The following DDX18 variants were observed in gnomAD, a reference collection of about 807,000 sequenced individuals.
The protein encoded by DDX18 is DEAD-box helicase 18.
A neutral mutation model predicts 73.5 loss-of-function variants in DDX18; 23 were observed. The ratio of observed to expected loss-of-function variants is 0.31; its 90% confidence interval spans 0.23 to 0.44. The LOEUF is 0.44. Among genes scored for constraint, DDX18 ranks in the 20% least tolerant of loss-of-function variants. DDX18 has a pLI of 1.00. For missense variants in DDX18, 753 were observed against 792.9 expected (o/e 0.95, Z 0.60); for synonymous variants, 268 against 282.7 (o/e 0.95, Z 0.52).
chr2:117,821,344 A>G (rs1679844186), intron 4 of DDX18, 48 bp downstream of exon 4: 14 of 1,569,062 alleles, frequency 8.9e-6, no homozygotes, highest in Non-Finnish European at 1.2e-5. Flanking sequence ...TTTTAGAACT[A>G]GTAGATGATA....
chr2:117,825,759 T>G, intron 10 of DDX18, 160 bp downstream of exon 10: 1 of 808,962 alleles, frequency 1.2e-6, no homozygotes, highest in Non-Finnish European at 1.9e-6. Context: ...CTTAAGGCTT[T>G]TCAGGGCTCA....
intron 9 of DDX18, 39 bp from the exon 10 acceptor site, chr2:117,825,408 A>G: frequency 6.3e-7 from 1 of 1,593,182 alleles, no homozygotes; most frequent in Non-Finnish European, 8.6e-7. Context: ...AGTCTTCCTC[A>G]AGATTCCAGC....
At chr2:117,821,076 T>G in intron 3 of DDX18, 85 bp from the exon 4 acceptor site, 1 of 1,370,970 alleles carries the variant, frequency 7.3e-7, no homozygotes, top group East Asian at 2.5e-5. Flanking sequence ...GAAGCTTTTC[T>G]AAGCAAAATA....
At chr2:117,815,841 TGTG>T (rs1231744350) in intron 1 of DDX18, 1 of 152,150 alleles carries the variant, frequency 6.6e-6, no homozygotes, top group Non-Finnish European at 1.5e-5. Context: ...GGGGATACAT[TGTG>T]AGAAATGTGT....
In DDX18 at chr2:117,822,385, A is replaced by C. The variant is rs761961173; in HGVS notation, c.1066+124A>C. ...ATAGCCAAGTGAGGTAGTTGTGCCA[A>C]TTAACCCGAAAGGTAATTTGGAATA... On this transcript the variant is annotated intron_variant, in intron 7 of 13. Coordinates refer to ENST00000263239, the MANE Select transcript of DDX18 (RefSeq NM_006773.4). The C allele has an allele frequency of 2.1e-5, 14 of 677,402 alleles. No individual in the cohort carries two copies. In the East Asian group the frequency reaches 3.8e-4, roughly 18 times the overall value. The allele number at this position is 677,402 out of a possible 1,614,324, so 42.0% of individuals were successfully genotyped here. A position where few individuals can be genotyped will look rare whatever the true frequency, so the allele number is the denominator to read the frequency against.
At chr2:117,814,903 G>A in intron 1 of DDX18, 41 bp downstream of exon 1, 1 of 1,608,498 alleles carries the variant, frequency 6.2e-7, no homozygotes, top group Non-Finnish European at 8.5e-7. Context: ...AGACCCACGC[G>A]CGAGCCCTGG....
rs551936137 is a variant in DDX18 at position 117,823,262 on chromosome 2, T to A, written c.1066+1001T>A. On this transcript the variant is annotated intron_variant, in intron 7 of 13. Transcript: ENST00000263239. ...TGACTGAGATTTTATTGAATAGAGATTATTGGAGGAAGACAGTATTGAGTC... is the reference window on the plus strand; with the variant it reads ...TGACTGAGATTTTATTGAATAGAGAATATTGGAGGAAGACAGTATTGAGTC... Among the ~76,000 whole-genome samples, 6 of 152,308 alleles carry A rather than the reference T, an allele frequency of 3.9e-5. No individual in the cohort carries two copies. The East Asian group carries it at 9.6e-4, about 24-fold the overall frequency.
intron 1 of DDX18, among the ~76,000 whole-genome samples, chr2:117,816,609 C>G (rs1679763320): frequency 1.3e-5 from 2 of 152,166 alleles, no homozygotes; most frequent in African/African-American, 4.8e-5. Flanking sequence ...ACAGTCGACT[C>G]ATTTTTTTTT....
rs745418223 is a variant in DDX18 at position 117,822,293 on chromosome 2, A to C, written c.1066+32A>C. The stretch of plus-strand genomic sequence containing the variant: ...AGGTAGCATCTGCATTTGGTTTGCA[A>C]AGTATCTGTTGGAGGTAGATAAGAG... On this transcript the variant is annotated intron_variant, in intron 7 of 13. Coordinates refer to ENST00000263239, the MANE Select transcript of DDX18 (RefSeq NM_006773.4). 4.0e-5 allele frequency: 61 copies of C among 1,540,732 alleles called. 1 individual carries two copies. The highest frequency in any genetic ancestry group is 5.3e-5 in the Non-Finnish European group (59 of 1,117,058).
At chr2:117,825,830 C>T (rs563605848) in intron 10 of DDX18, 21 of 482,576 alleles carry the variant, frequency 4.4e-5, no homozygotes, top group African/African-American at 3.4e-4. Context: ...AAATGAGATC[C>T]TTGGAATGAT....
At chr2:117,822,573 A>G (rs1048281352) in intron 7 of DDX18, 1 of 284,038 alleles carries the variant, frequency 3.5e-6, no homozygotes, top group South Asian at 3.8e-5. Context: ...TTACTTGTAC[A>G]TACCTTGGTT....
intron 11 of DDX18, 99 bp from the exon 12 acceptor site, chr2:117,828,850 G>T: frequency 2.4e-6 from 2 of 826,588 alleles, no homozygotes; most frequent in East Asian, 2.6e-5. Context: ...TCTGTCCTGA[G>T]GGAATTTCAT....
chr2:117,830,447 ATG>A (rs1680002788), intron 13 of DDX18, 133 bp from the exon 14 acceptor site: 1 of 1,096,070 alleles, frequency 9.1e-7, no homozygotes, highest in Non-Finnish European at 1.3e-6. Context: ...GCATAGGCTT[ATG>A]TTCCCACATT....
In DDX18 at chr2:117,829,304, G is replaced by A. The variant is rs754329178; in HGVS notation, c.1708G>A (p.Glu570Lys). The A allele has an allele frequency of 8.2e-6, 13 of 1,589,328 alleles. No homozygotes were observed. Among genetic ancestry groups the A allele is most frequent in the Non-Finnish European group, 9.4e-6 (11 of 1,171,320 alleles). Residue 570 changes from glutamate (E) to lysine (K), a missense_variant, in exon 13 of 14, where the codon GAA (glutamate) becomes AAA (lysine). By Grantham distance (56) the Glu-to-Lys change is moderately conservative (BLOSUM62 1). Transcript: ENST00000263239. The stretch of plus-strand genomic sequence containing the variant: ...TCTATTTCAGCTTGAGAAATTGATT[G>A]AAAAGAATTACTTTCTTCATAAGTC... ...DIQSQLEKLI[E>K]KNYFLHKSAQ...
In DDX18 at chr2:117,824,585, G is replaced by C; in HGVS notation, c.1083G>C (p.Met361Ile). 2 of 1,471,032 alleles carry C rather than the reference G, an allele frequency of 1.4e-6. No individual in the cohort carries two copies. The highest frequency in any genetic ancestry group is 1.8e-6 in the Non-Finnish European group (2 of 1,111,706). The allele number at this position is 1,471,032 out of a possible 1,614,324, so 91.1% of individuals were successfully genotyped here. The change falls in exon 8 of 14, where the codon ATG becomes ATC. Residue 361 changes from methionine (M) to isoleucine (I), a missense_variant. By Grantham distance (10) the Met-to-Ile change is conservative. Coordinates refer to ENST00000263239, the MANE Select transcript of DDX18 (RefSeq NM_006773.4). ...IKLLPTRRQT[M>I]LFSATQTRKV... ...CTGTTTCAGCACGTAGACAGACTATGCTCTTTTCTGCCACCCAAACTCGAA... is the reference window on the plus strand; with the variant it reads ...CTGTTTCAGCACGTAGACAGACTATCCTCTTTTCTGCCACCCAAACTCGAA...
rs1397651526 is a variant in DDX18, at chr2:117,831,499, A to G, written c.*775A>G. ...GTACTGCATTTCTTCATTTGGTAAC[A>G]TAACAAAGACTTTCATACAAAGAAC... On this transcript the variant is annotated 3_prime_UTR_variant, in exon 14 of 14. Coordinates refer to ENST00000263239, the MANE Select transcript of DDX18 (RefSeq NM_006773.4). The G allele has an allele frequency of 6.6e-6, 1 of 152,240 alleles. No individual in the cohort carries two copies. Among genetic ancestry groups the G allele is most frequent in the African/African-American group, 2.4e-5 (1 of 41,460 alleles). The allele number at this position is 152,240 out of a possible 1,614,324, so 9.4% of individuals were successfully genotyped here.
chr2:117,826,100 A>G (rs1048421516), intron 10 of DDX18, 169 bp from the exon 11 acceptor site: 3 of 356,048 alleles, frequency 8.4e-6, no homozygotes, highest in African/African-American at 2.6e-5. Flanking sequence ...TGATGTGCAC[A>G]GAGCGATTGC....
At chr2:117,821,031 A>G (rs1679838417) in intron 3 of DDX18, 130 bp from the exon 4 acceptor site, 4 of 842,886 alleles carry the variant, frequency 4.7e-6, no homozygotes, top group Middle Eastern at 3.7e-4. Flanking sequence ...ATTATCACAT[A>G]TGAATAATTA....
chr2:117,817,122 A>G (rs932995698), intron 1 of DDX18, among the ~76,000 whole-genome samples: 19 of 152,202 alleles, frequency 1.2e-4, no homozygotes, highest in Non-Finnish European at 2.2e-4. Flanking sequence ...TTATTCTGTA[A>G]CTGCCATTAT....
Sources: allele counts gnomAD v4.1 joint callset (sites outside exome capture counted in the v4.1 genomes callset), GRCh38; gene constraint gnomAD v4.1.1; transcripts MANE v1.5; gene names NCBI Gene and HGNC (gene_info 2026-07-23, HGNC 2026-07-21).